Variants in FLG observed in about 807,000 individuals in gnomAD.
FLG encodes the protein filaggrin, also known as epidermal filaggrin.
In FLG, 6 loss-of-function variants were observed where a neutral mutation model predicts 3.8. The ratio of observed to expected loss-of-function variants is 1.60; its 90% CI spans 0.87 to 3.15. The LOEUF is 3.15. Ranked by LOEUF, FLG falls within the 30% of genes most tolerant of loss-of-function variation. The pLI is 0.00. For missense variants in FLG, 7,595 were observed against 5,050.9 expected, an observed-to-expected ratio of 1.50 and a Z score of -15.27; for synonymous variants, 2,551 against 1,931.6, an observed-to-expected ratio of 1.32 and a Z score of -8.41.
At chr1:152,319,322 GTGTGT>G (rs1652882353) in intron 1 of FLG, among the ~76,000 whole-genome samples, 1 of 148,954 alleles carries the variant, frequency 6.7e-6, no homozygotes, top group African/African-American at 2.4e-5. Context: ...GTGTGTGTGT[GTGTGT>G]GTGTGTGTGT....
chr1:152,309,370 G>C lies in FLG; in HGVS notation c.5516C>G (p.Ser1839Ter), dbSNP rs1421748350. 1.2e-6 allele frequency: 2 copies of C among 1,613,756 alleles called. No individual in the cohort carries two copies. The highest frequency in any genetic ancestry group is 3.3e-5 in the Admixed American group (2 of 59,970). ...CGTGGTGTGGCTGTGATGAGACCCT[G>C]AGTGTCCAGAACTATCTACCGATTG... The part of the protein sequence containing the change: ...YEQSVDSSGH[S>*]GSHHSHTTSQ... The change falls in exon 3 of 3, where the codon TCA becomes TGA. Residue 1839 changes from serine to a stop codon, truncating the protein, a stop_gained. Transcript: ENST00000368799. LOFTEE classifies it low-confidence loss of function (END_TRUNC).
chr1:152,302,455 G>C lies in FLG; in HGVS notation c.*245C>G. On this transcript the variant is annotated 3_prime_UTR_variant, in exon 3 of 3. Transcript: ENST00000368799. ...ACCCAGAATCTCCTAAAATACTCCA[G>C]CTAGTTTTCTAAAGTTAGCTCTCCA... The C allele has an allele frequency of 1.9e-6, 1 of 528,130 alleles. No individual in the cohort carries two copies. Among genetic ancestry groups the C allele is most frequent in the Non-Finnish European group, 3.3e-6 (1 of 303,964 alleles). 32.7% of individuals were successfully genotyped at this position (528,130 alleles called of 1,614,324 possible).
Position 152,302,664 on chromosome 1 carries a change from T to G in FLG, c.*36A>C, listed in dbSNP as rs760606297. The stretch of plus-strand genomic sequence containing the variant: ...GATTGAAAGTGAACTTGCTTCATTC[T>G]TCTATTCTTGGATTAATTCCTTTGC... On this transcript the variant is annotated 3_prime_UTR_variant, in exon 3 of 3. Coordinates refer to ENST00000368799, the MANE Select transcript of FLG (RefSeq NM_002016.2). The G allele has an allele frequency of 5.0e-6, 8 of 1,610,900 alleles. No homozygotes were observed. The highest frequency in any genetic ancestry group is 3.3e-5 in the Admixed American group (2 of 59,816).
In FLG at chr1:152,303,445, C is replaced by G. The variant is rs746397911; in HGVS notation, c.11441G>C (p.Arg3814Pro). The stretch of plus-strand genomic sequence containing the variant: ...GCCGTCTCCTGACTGTTCCTCATTA[C>G]GTGTTTCTCTGCTTGCACTTCTGGA... ...SGSRSASRET[R>P]NEEQSGDGSR... Residue 3814 changes from arginine (R) to proline (P), a missense_variant, in exon 3 of 3, where the codon CGT becomes CCT. Transcript: ENST00000368799. The G allele has an allele frequency of 1.9e-6, 3 of 1,613,554 alleles. No homozygotes were observed. The African/African-American group carries it at 4.0e-5, about 22-fold the overall frequency.
chr1:152,311,667 A>G lies in FLG; in HGVS notation c.3219T>C (p.Asp1073=), dbSNP rs771660324. The G allele has an allele frequency of 1.1e-5, 18 of 1,613,498 alleles. No individual in the cohort carries two copies. Among genetic ancestry groups the G allele is most frequent in the Middle Eastern group, 1.6e-4 (1 of 6,062 alleles). The change falls in exon 3 of 3, where the codon GAT becomes GAC. Residue 1073 remains aspartate, a synonymous_variant. Transcript: ENST00000368799. The part of the protein sequence containing the change: ...HWGSSGSQAS[D]SEGHSEESDT... ...CTGACTCCTCTGAATGTCCCTCACT[A>G]TCACTGGCCTGACTACCACTGGACC...
intron 1 of FLG, among the ~76,000 whole-genome samples, chr1:152,324,516 A>C (rs1172655828): frequency 6.6e-6 from 1 of 151,836 alleles, no homozygotes; most frequent in Non-Finnish European, 1.5e-5. Context: ...ATAATTCCCT[A>C]GAGAGGTCTT....
Position 152,313,037 on chromosome 1 carries a change from G to C in FLG, c.1849C>G (p.Gln617Glu). The C allele has an allele frequency of 1.2e-6, 2 of 1,613,944 alleles. No individual in the cohort carries two copies. Among genetic ancestry groups the C allele is most frequent in the Non-Finnish European group, 1.7e-6 (2 of 1,180,008 alleles). Residue 617 changes from glutamine to glutamate, a missense_variant, in exon 3 of 3, where the codon CAG becomes GAG. Transcript: ENST00000368799. The part of the protein sequence containing the change: ...QSSGPRTSRN[Q>E]GSSVSQDSDS... ...CTGTCCTGGCTAACACTGGATCCCT[G>C]GTTCCTACTTGTCCTGGGCCCCGAT...
At chr1:152,322,850 T>G (rs1220278276) in intron 1 of FLG, among the ~76,000 whole-genome samples, 5 of 151,362 alleles carry the variant, frequency 3.3e-5, no homozygotes, top group Non-Finnish European at 7.4e-5. Flanking sequence ...ATATCTGAAG[T>G]TTTTTTAAAA....
In FLG at chr1:152,314,480, C is replaced by T. The variant is rs1652697772; in HGVS notation, c.406G>A (p.Gly136Arg). ...GGGCTCTTGGATCTTCCCTTATTCC[C>T]TTTTCTATTGTTTCTTCTTTCCAGA... ...SSLERRNNRK[G>R]NKGRSKSPRE... The change falls in exon 3 of 3, where the codon GGG becomes AGG. Residue 136 changes from glycine (G) to arginine (R), a missense_variant. Gly to Arg is a moderately radical substitution (Grantham distance 125). Transcript: ENST00000368799. 1.2e-6 allele frequency: 2 copies of T among 1,613,418 alleles called. No homozygotes were observed. The highest frequency in any genetic ancestry group is 1.1e-5 in the South Asian group (1 of 91,056).
At position 152,308,769 on chromosome 1, in the gene FLG, G is replaced by T; in HGVS notation, c.6117C>A (p.Tyr2039Ter). 1 of 1,614,130 alleles carries T rather than the reference G, an allele frequency of 6.2e-7. No individual in the cohort carries two copies. The highest frequency in any genetic ancestry group is 8.5e-7 in the Non-Finnish European group (1 of 1,180,008). Residue 2039 changes from tyrosine to a stop codon, truncating the protein, a stop_gained, in exon 3 of 3, where the codon TAC becomes TAA. Transcript: ENST00000368799. LOFTEE classifies it low-confidence loss of function (END_TRUNC). Reference sequence around the variant, plus strand: ...CACTGTCACTGGCCTGACTACCACTGTACCCTCGGTGTCCACTGTCTCTGA... The same window carrying T: ...CACTGTCACTGGCCTGACTACCACTTTACCCTCGGTGTCCACTGTCTCTGA... ...SAVRDSGHRG[Y>*]SGSQASDSEG...
At chr1:152,317,609 C>T (rs1015001504) in intron 1 of FLG, among the ~76,000 whole-genome samples, 1 of 151,944 alleles carries the variant, frequency 6.6e-6, no homozygotes, top group African/African-American at 2.4e-5. Flanking sequence ...GTTGCTATGC[C>T]CTATGATTCA....
Position 152,313,636 on chromosome 1 carries a change from G to A in FLG, c.1250C>T (p.Ser417Phe). Residue 417 changes from serine to phenylalanine, a missense_variant, in exon 3 of 3, where the codon TCT (serine) becomes TTT (phenylalanine). Ser to Phe is a radical substitution (Grantham distance 155). Coordinates refer to ENST00000368799, the MANE Select transcript of FLG (RefSeq NM_002016.2). Reference protein sequence around the residue: ...SAVSDRGHRGSSGSQASDSEG... With the variant: ...SAVSDRGHRGFSGSQASDSEG... Reference sequence around the variant, plus strand: ...ACTGTCACTGGCCTGACTACCGCTAGACCCCCGGTGTCCACGATCGCTGAC... The same window carrying A: ...ACTGTCACTGGCCTGACTACCGCTAAACCCCCGGTGTCCACGATCGCTGAC... The A allele has an allele frequency of 6.2e-7, 1 of 1,614,044 alleles. No homozygotes were observed. The highest frequency in any genetic ancestry group is 2.2e-5 in the East Asian group (1 of 44,866).
At chr1:152,316,315 A>G (rs542983087) in intron 1 of FLG, among the ~76,000 whole-genome samples, 1 of 152,238 alleles carries the variant, frequency 6.6e-6, no homozygotes, top group African/African-American at 2.4e-5. Context: ...TAAGTGATAT[A>G]TGTATTTGGG....
rs780529906 is a variant in FLG, at chr1:152,304,919, C to T, written c.9967G>A (p.Ala3323Thr). Residue 3323 changes from alanine (A) to threonine (T), a missense_variant, in exon 3 of 3, where the codon GCT becomes ACT. By Grantham distance (58) the Ala-to-Thr change is moderately conservative. Transcript: ENST00000368799. ...SRHSGIPRGQ[A>T]SSAVRDSRHW... The stretch of plus-strand genomic sequence containing the variant: ...CTACTGTCTCTGACTGCAGATGAAG[C>T]TTGTCCACGCGGAATGCCTGAGTGT... The T allele has an allele frequency of 1.9e-6, 3 of 1,613,686 alleles. No individual in the cohort carries two copies. The highest frequency in any genetic ancestry group is 3.3e-5 in the Admixed American group (2 of 59,948).
Position 152,305,044 on chromosome 1 carries a change from GTC to G in FLG, c.9840_9841del (p.Glu3280AspfsTer12), listed in dbSNP as rs1380384330. 1.2e-6 allele frequency: 2 copies of G among 1,613,842 alleles called. No individual in the cohort carries two copies. The highest frequency in any genetic ancestry group is 1.7e-6 in the Non-Finnish European group (2 of 1,179,992). On this transcript the variant is annotated frameshift_variant, in exon 3 of 3. Transcript: ENST00000368799. LOFTEE classifies it low-confidence loss of function (END_TRUNC). ...TGATGCAGCCTGTCCACCAGAGGAA[GTC>G]TCTGCGTGACGAGTGCCTGATTGTC...
chr1:152,311,218 T>C lies in FLG; in HGVS notation c.3668A>G (p.Asp1223Gly), dbSNP rs185500015. 21 of 1,613,814 alleles carry C rather than the reference T, an allele frequency of 1.3e-5. No homozygotes were observed. The Admixed American group carries it at 3.2e-4, about 24-fold the overall frequency. The change falls in exon 3 of 3, where the codon GAC becomes GGC. Residue 1223 changes from aspartate (D) to glycine (G), a missense_variant. By Grantham distance (94) the Asp-to-Gly change is moderately conservative. Coordinates refer to ENST00000368799, the MANE Select transcript of FLG (RefSeq NM_002016.2). ...CCTGGAGCCGTCTCCTGATTGTTTG[T>C]CCTTACGAGTTTGTCTGCTTGCACT... ...SRSASRQTRKDKQSGDGSRHS... is the reference protein window; with the variant it reads ...SRSASRQTRKGKQSGDGSRHS...
At chr1:152,323,629 A>G (rs567662304) in intron 1 of FLG, among the ~76,000 whole-genome samples, 1 of 151,870 alleles carries the variant, frequency 6.6e-6, no homozygotes, top group African/African-American at 2.4e-5. Context: ...TAAGAAAGAA[A>G]AAAATCCTTG....
At position 152,307,182 on chromosome 1, in the gene FLG, G is replaced by T. The variant is rs142873691; in HGVS notation, c.7704C>A (p.Ser2568Arg). ...RTSRNWGSSF[S>R]QDSDSQGHSE... ...AGTGTCCCTGACTGTCACTGTCCTG[G>T]CTAAAACTGGATCCCCAGTTCCTGC... Residue 2568 changes from serine (S) to arginine (R), a missense_variant, in exon 3 of 3, where the codon AGC (serine) becomes AGA (arginine). Transcript: ENST00000368799. 3.7e-4 allele frequency: 601 copies of T among 1,612,656 alleles called. 1 individual carries two copies. The highest frequency in any genetic ancestry group is 4.8e-4 in the Non-Finnish European group (564 of 1,179,968).
intron 1 of FLG, among the ~76,000 whole-genome samples, chr1:152,318,106 C>T (rs1219011421): frequency 1.3e-5 from 2 of 151,908 alleles, no homozygotes; most frequent in East Asian, 1.9e-4. Flanking sequence ...ACCCTTCCCT[C>T]GAACCATTAT....
Sources: allele counts gnomAD v4.1 joint callset (sites outside exome capture counted in the v4.1 genomes callset), GRCh38; gene constraint gnomAD v4.1.1; transcripts MANE v1.5; gene names NCBI Gene and HGNC (gene_info 2026-07-23, HGNC 2026-07-21).